The following CPNE4 variants were observed in gnomAD, a reference collection of about 807,000 sequenced individuals.
The protein encoded by CPNE4 is copine 4, also known as copine-4.
In CPNE4, 25 loss-of-function variants were observed where a neutral mutation model predicts 67.9. The observed-to-expected ratio is 0.37, with a 90% CI of 0.27 to 0.51. The LOEUF (loss-of-function observed/expected upper bound fraction) is 0.51, where lower values mean the gene tolerates loss of function less well. Among genes scored for constraint, CPNE4 ranks in the 20% least tolerant of loss-of-function variants. The probability of loss-of-function intolerance (pLI) is 0.93; values close to 1 mark genes in which losing one functional copy is unlikely to be tolerated. For missense variants in CPNE4, 464 were observed against 690.8 expected (o/e 0.67, Z 3.68); for synonymous variants, 242 against 244.9 (o/e 0.99, Z 0.11).
intron 5 of CPNE4, among the ~76,000 whole-genome samples, chr3:131,694,724 G>A (rs1444493535): frequency 6.6e-6 from 1 of 152,192 alleles, no homozygotes; most frequent in East Asian, 1.9e-4. Context: ...GACTGTTCCA[G>A]CTAAGCCCAG....
intron 2 of CPNE4, among the ~76,000 whole-genome samples, chr3:131,829,941 C>T (rs181209429): frequency 2.8e-4 from 43 of 152,278 alleles, no homozygotes; most frequent in Admixed American, 2.8e-3. Flanking sequence ...CACACATACA[C>T]AAACACCTTC....
At chr3:131,772,731 T>A (rs2083198622) in intron 2 of CPNE4, among the ~76,000 whole-genome samples, 2 of 152,128 alleles carry the variant, frequency 1.3e-5, no homozygotes, top group South Asian at 4.1e-4. Context: ...TATTAGCACA[T>A]TTCTTCCATT....
At chr3:131,667,407 T>C (rs534955610) in intron 7 of CPNE4, among the ~76,000 whole-genome samples, 2 of 152,194 alleles carry the variant, frequency 1.3e-5, no homozygotes, top group East Asian at 3.9e-4. Flanking sequence ...TGGCAATGTC[T>C]GAATACACTT....
chr3:131,635,489 C>T (rs2079354804), intron 7 of CPNE4, among the ~76,000 whole-genome samples: 1 of 152,194 alleles, frequency 6.6e-6, no homozygotes, highest in Non-Finnish European at 1.5e-5. Flanking sequence ...ACATGCAGCT[C>T]TTTAAATGTA....
chr3:131,822,176 A>G (rs2084985927), intron 2 of CPNE4, among the ~76,000 whole-genome samples: 1 of 152,222 alleles, frequency 6.6e-6, no homozygotes, highest in Admixed American at 6.5e-5. Flanking sequence ...TTTTTTTTCA[A>G]GTTTGAAACT....
intron 2 of CPNE4, among the ~76,000 whole-genome samples, chr3:131,833,596 G>C (rs1307744191): frequency 6.6e-6 from 1 of 152,162 alleles, no homozygotes; most frequent in East Asian, 1.9e-4. Context: ...CTGGTCAGGG[G>C]GCTGAGGCAG....
intron 2 of CPNE4, among the ~76,000 whole-genome samples, chr3:131,734,770 A>G (rs1027485513): frequency 1.3e-5 from 2 of 152,144 alleles, no homozygotes; most frequent in Non-Finnish European, 2.9e-5. Context: ...ACACTCTTGT[A>G]GTCCCTGCTA....
Position 131,647,761 on chromosome 3 carries a change from G to C in CPNE4, c.681+21914C>G, listed in dbSNP as rs78344820. Among the ~76,000 whole-genome samples the C allele has an allele frequency of 1.5e-3, 233 of 152,240 alleles. 6 individuals carry two copies. The East Asian group carries it at 0.044, about 29-fold the overall frequency. Reference sequence around the variant, plus strand: ...AATTACTCAAAATAGAAACTGGAGAGGAATTTTGATTCTCTACTTTCCCTT... The same window carrying C: ...AATTACTCAAAATAGAAACTGGAGACGAATTTTGATTCTCTACTTTCCCTT... On this transcript the variant is annotated intron_variant, in intron 7 of 15. Transcript: ENST00000429747.
chr3:131,949,774 T>C (rs2071665939), intron 1 of CPNE4, among the ~76,000 whole-genome samples: 1 of 152,226 alleles, frequency 6.6e-6, no homozygotes. Flanking sequence ...CTCCATTCTC[T>C]GCCTAATTTT....
chr3:132,023,174 T>C (rs1330550962), intron 1 of CPNE4, among the ~76,000 whole-genome samples: 1 of 152,204 alleles, frequency 6.6e-6, no homozygotes, highest in Non-Finnish European at 1.5e-5. Flanking sequence ...GCCAACATTA[T>C]ATAAAAGCCT....
rs754974384 is a variant in CPNE4, at chr3:131,669,707, G to A, written c.649C>T (p.Leu217=). ...CGGCGGTCTGGGTCTCCGCTGCATA[G>A]AGAATTTACAGATACTTTGAATGAT... ...WKSFKVSVNS[L]CSGDPDRRLK... Residue 217 remains leucine (L), a synonymous_variant, in exon 7 of 16, where the codon CTA becomes TTA. Coordinates refer to ENST00000429747, the MANE Select transcript of CPNE4 (RefSeq NM_130808.3). The A allele has an allele frequency of 1.2e-6, 2 of 1,613,868 alleles. No homozygotes were observed. Among genetic ancestry groups the A allele is most frequent in the Admixed American group, 1.7e-5 (1 of 59,994 alleles).
At chr3:131,919,231 C>T (rs1187335209) in intron 1 of CPNE4, among the ~76,000 whole-genome samples, 1 of 152,128 alleles carries the variant, frequency 6.6e-6, no homozygotes, top group Non-Finnish European at 1.5e-5. Flanking sequence ...TTAATCTGTC[C>T]ACTGGTAAAT....
chr3:131,888,258 C>T (rs1043099923), intron 2 of CPNE4, among the ~76,000 whole-genome samples: 3 of 152,136 alleles, frequency 2.0e-5, no homozygotes, highest in African/African-American at 4.8e-5. Context: ...CTAAAATATG[C>T]TCCCCAATTA....
chr3:132,006,059 C>G (rs935978746), intron 1 of CPNE4, among the ~76,000 whole-genome samples: 2 of 152,096 alleles, frequency 1.3e-5, no homozygotes, highest in Non-Finnish European at 2.9e-5. Context: ...ATCCAGTACA[C>G]CATCTGACAA....
chr3:131,678,798 A>T (rs2080653500), intron 6 of CPNE4, among the ~76,000 whole-genome samples: 1 of 152,024 alleles, frequency 6.6e-6, no homozygotes, highest in Admixed American at 6.6e-5. Flanking sequence ...CATGGTGGAT[A>T]AGCTTTTTGA....
intron 2 of CPNE4, among the ~76,000 whole-genome samples, chr3:131,806,549 C>CAAAAAAAA (rs58302207): frequency 5.5e-5 from 4 of 72,952 alleles, no homozygotes; most frequent in African/African-American, 9.3e-5. Flanking sequence ...GACTCCGTCT[C>CAAAAAAAA]AAAAAAAAAA....
chr3:131,956,170 A>C (rs1016301125), intron 1 of CPNE4, among the ~76,000 whole-genome samples: 4 of 152,230 alleles, frequency 2.6e-5, no homozygotes, highest in Non-Finnish European at 4.4e-5. Context: ...ATCAGTCATT[A>C]GAATTATTTT....
intron 11 of CPNE4, among the ~76,000 whole-genome samples, chr3:131,559,185 T>C (rs1004769172): frequency 6.6e-6 from 1 of 152,062 alleles, no homozygotes; most frequent in African/African-American, 2.4e-5. Flanking sequence ...TGGTAGTTCA[T>C]TGAAGAAAAC....
At chr3:131,950,676 C>T (rs1225017) in intron 1 of CPNE4, among the ~76,000 whole-genome samples, 108,205 of 152,038 alleles carry the variant, frequency 0.71, 38,681 homozygotes, top group Admixed American at 0.81. Context: ...TAACGAGGAC[C>T]GACTATACTT....
Sources: gnomAD v4.1 joint callset for allele counts (sites outside exome capture counted in the v4.1 genomes callset) on GRCh38, gnomAD v4.1.1 for gene constraint, MANE v1.5 for transcripts, NCBI Gene and HGNC (gene_info 2026-07-23, HGNC 2026-07-21) for gene names.